Variants in WWOX observed in about 807,000 individuals in gnomAD.
WWOX encodes the protein WW domain containing oxidoreductase, also known as WW domain-containing oxidoreductase.
Under a neutral mutation model 46.2 loss-of-function variants are expected in WWOX, and 69 were observed. The ratio of observed to expected loss-of-function variants is 1.49; its 90% CI spans 1.23 to 1.82. The LOEUF (loss-of-function observed/expected upper bound fraction) is 1.82, where lower values mean the gene tolerates loss of function less well. Among genes scored for constraint, WWOX ranks in the 40% most tolerant of loss-of-function variants. The pLI is 0.00. For synonymous variants in WWOX, 359 were observed against 202.6 expected (o/e 1.77, Z -6.56); for missense variants, 919 against 542.6 (o/e 1.69, Z -6.89).
chr16:78,855,135 C>G (rs2052537639), intron 8 of WWOX, among the ~76,000 whole-genome samples: 1 of 152,138 alleles, frequency 6.6e-6, no homozygotes, highest in South Asian at 2.1e-4. Context: ...AAATCTCTTT[C>G]TGTTAATTTA....
At chr16:78,902,958 C>G (rs961562455) in intron 8 of WWOX, among the ~76,000 whole-genome samples, 9 of 152,202 alleles carry the variant, frequency 5.9e-5, no homozygotes, top group African/African-American at 1.9e-4. Flanking sequence ...GATCCACATT[C>G]CTGGATGAGT....
chr16:78,573,614 C>G (rs1024815309), intron 8 of WWOX, among the ~76,000 whole-genome samples: 2 of 152,190 alleles, frequency 1.3e-5, no homozygotes, highest in Admixed American at 6.5e-5. Context: ...CCAGTGTACT[C>G]TCTGTCTCAC....
intron 8 of WWOX, among the ~76,000 whole-genome samples, chr16:78,445,954 G>A (rs2083551405): frequency 6.6e-6 from 1 of 152,148 alleles, no homozygotes; most frequent in Admixed American, 6.6e-5. Context: ...CCTAGCCTTT[G>A]CTGTGCTTTG....
chr16:78,935,984 G>C (rs1001630398), intron 8 of WWOX, among the ~76,000 whole-genome samples: 3 of 152,124 alleles, frequency 2.0e-5, no homozygotes, highest in South Asian at 2.1e-4. Context: ...AGGGTGTGAT[G>C]GGATTTTAGT....
intron 8 of WWOX, among the ~76,000 whole-genome samples, chr16:78,863,455 G>C (rs150308980): frequency 3.9e-5 from 6 of 152,204 alleles, no homozygotes; most frequent in Non-Finnish European, 8.8e-5. Flanking sequence ...TACCTGGGAA[G>C]AGGGTACTTG....
intron 8 of WWOX, among the ~76,000 whole-genome samples, chr16:79,091,003 GT>G (rs1208707775): frequency 6.6e-6 from 1 of 151,986 alleles, no homozygotes; most frequent in African/African-American, 2.4e-5. Flanking sequence ...GGCCAGCCTG[GT>G]CTCAACCTCC....
At chr16:78,317,180 C>T (rs1036278765) in intron 5 of WWOX, among the ~76,000 whole-genome samples, 4 of 152,060 alleles carry the variant, frequency 2.6e-5, no homozygotes, top group Non-Finnish European at 4.4e-5. Context: ...TGTGTTGAGG[C>T]TGTGTTTGGA....
chr16:79,169,697 G>A (rs972247619), intron 8 of WWOX, among the ~76,000 whole-genome samples: 1 of 152,212 alleles, frequency 6.6e-6, no homozygotes, highest in Non-Finnish European at 1.5e-5. Flanking sequence ...AGTTTAGAAT[G>A]GACCTGCCAA....
intron 8 of WWOX, among the ~76,000 whole-genome samples, chr16:79,173,215 C>G (rs919359226): frequency 1.3e-5 from 2 of 152,224 alleles, no homozygotes; most frequent in Non-Finnish European, 2.9e-5. Context: ...GTTCACATCA[C>G]CTGCTCCCCT....
chr16:78,598,034 T>A (rs1034361960), intron 8 of WWOX, among the ~76,000 whole-genome samples: 1 of 152,182 alleles, frequency 6.6e-6, no homozygotes, highest in African/African-American at 2.4e-5. Flanking sequence ...CTGGTCTATG[T>A]CCAGCTCCAC....
chr16:78,708,200 C>G (rs2048365322), intron 8 of WWOX, among the ~76,000 whole-genome samples: 1 of 152,016 alleles, frequency 6.6e-6, no homozygotes, highest in East Asian at 1.9e-4. Flanking sequence ...CTTAAAACAA[C>G]AAAAACAAAA....
chr16:78,225,392 C>T (rs1251359130), intron 5 of WWOX, among the ~76,000 whole-genome samples: 1 of 152,024 alleles, frequency 6.6e-6, no homozygotes, highest in Non-Finnish European at 1.5e-5. Flanking sequence ...TTCTCATGAC[C>T]TCTGCTTTTT....
chr16:79,015,549 C>G (rs1171090342), intron 8 of WWOX, among the ~76,000 whole-genome samples: 1 of 152,088 alleles, frequency 6.6e-6, no homozygotes, highest in Non-Finnish European at 1.5e-5. Context: ...GAAGCCACCT[C>G]CAGGAACAGT....
At chr16:78,332,425 G>C (rs1335091009) in intron 5 of WWOX, among the ~76,000 whole-genome samples, 1 of 152,152 alleles carries the variant, frequency 6.6e-6, no homozygotes, top group Non-Finnish European at 1.5e-5. Context: ...CAGCGGAGTA[G>C]CCTGTGATTT....
chr16:78,186,545 CT>C (rs1446031935), intron 5 of WWOX, among the ~76,000 whole-genome samples: 1 of 152,210 alleles, frequency 6.6e-6, no homozygotes, highest in Non-Finnish European at 1.5e-5. Flanking sequence ...AGGTGGATCA[CT>C]TGTGGTCAGG....
At chr16:78,440,928 T>G (rs907399981) in intron 8 of WWOX, among the ~76,000 whole-genome samples, 35 of 152,012 alleles carry the variant, frequency 2.3e-4, no homozygotes, top group African/African-American at 8.2e-4. Context: ...GCCTGTAGTT[T>G]CTTTTTCTTT....
intron 5 of WWOX, among the ~76,000 whole-genome samples, chr16:78,305,667 T>C (rs1398053670): frequency 6.6e-6 from 1 of 151,926 alleles, no homozygotes; most frequent in Non-Finnish European, 1.5e-5. Flanking sequence ...CCCTTTCTTG[T>C]TTTGGTAATG....
intron 8 of WWOX, among the ~76,000 whole-genome samples, chr16:79,158,433 A>G (rs796407120): frequency 6.6e-6 from 1 of 152,168 alleles, no homozygotes; most frequent in African/African-American, 2.4e-5. Context: ...TTTAGATGGA[A>G]TCACCCAGCG....
chr16:78,457,706 G>C (rs2083852557), intron 8 of WWOX, among the ~76,000 whole-genome samples: 1 of 151,984 alleles, frequency 6.6e-6, no homozygotes, highest in Admixed American at 6.6e-5. Context: ...CTGAGGTCAG[G>C]AGTTCGAGAC....
Sources: allele counts gnomAD v4.1 joint callset (sites outside exome capture counted in the v4.1 genomes callset), GRCh38; gene constraint gnomAD v4.1.1; transcripts MANE v1.5; gene names NCBI Gene and HGNC (gene_info 2026-07-23, HGNC 2026-07-21).